KCNU1: variants seen among roughly 807,000 people sequenced by gnomAD.
The protein encoded by KCNU1 is potassium calcium-activated channel subfamily U member 1, also known as potassium channel subfamily U member 1.
Under a neutral mutation model 126.8 loss-of-function variants are expected in KCNU1, and 93 were observed. The ratio of observed to expected loss-of-function variants is 0.73; its 90% CI spans 0.62 to 0.87. The LOEUF (loss-of-function observed/expected upper bound fraction) is 0.87. KCNU1 is among the 40% of genes least tolerant of loss of function. The pLI, the probability that KCNU1 is intolerant of heterozygous loss-of-function variation, is 0.00. For missense variants in KCNU1, 1,330 were observed against 1,367.1 expected, an observed-to-expected ratio of 0.97 and a Z score of 0.43; for synonymous variants, 523 against 494.2, an observed-to-expected ratio of 1.06 and a Z score of -0.77.
At chr8:36,931,189 T>A (rs370872230) in intron 25 of KCNU1, 44 bp downstream of exon 25, 5 of 1,399,286 alleles carry the variant, frequency 3.6e-6, no homozygotes, top group Non-Finnish European at 4.9e-6. Context: ...CTTCTTTACC[T>A]CTCTGAGCTT....
chr8:36,926,724 C>A (rs1025500925), intron 24 of KCNU1, among the ~76,000 whole-genome samples: 2 of 152,114 alleles, frequency 1.3e-5, no homozygotes, highest in African/African-American at 4.8e-5. Context: ...AGACTGTCTT[C>A]TGGGTTTGAC....
At chr8:36,856,604 G>T (rs370367496) in intron 18 of KCNU1, among the ~76,000 whole-genome samples, 8 of 152,176 alleles carry the variant, frequency 5.3e-5, no homozygotes, top group African/African-American at 1.7e-4. Flanking sequence ...CATTTTAATG[G>T]TCTCTTTCCC....
chr8:36,828,453 A>G (rs1161176310), intron 10 of KCNU1, among the ~76,000 whole-genome samples: 2 of 152,110 alleles, frequency 1.3e-5, no homozygotes, highest in Non-Finnish European at 2.9e-5. Context: ...TATTACCTCT[A>G]TATTCACATC....
chr8:36,812,593 G>C (rs1484348423), intron 7 of KCNU1, among the ~76,000 whole-genome samples: 1 of 152,114 alleles, frequency 6.6e-6, no homozygotes, highest in African/African-American at 2.4e-5. Context: ...TTGAAACAAA[G>C]TTTAAAATAA....
chr8:36,888,583 G>A (rs1263944360), intron 19 of KCNU1: 1 of 534,052 alleles, frequency 1.9e-6, no homozygotes, highest in South Asian at 1.4e-5. Flanking sequence ...AGCAGAAGAT[G>A]CTCAGTAAGA....
rs28608091 is a variant in KCNU1, at chr8:36,909,506, T to C, written c.2302T>C (p.Trp768Arg). The C allele has an allele frequency of 0.4, 646,137 of 1,608,114 alleles. 131,990 individuals carry two copies. Among genetic ancestry groups the C allele is most frequent in the Admixed American group, 0.48 (28,929 of 59,978 alleles). ...DYLQREWRFL[W>R]NFPQIYILPG... is the part of the protein sequence containing the mutation. ...TCTACAGAGAGAATGGCGATTTCTC[T>C]GGAATTTTCCCCAGATATACATTCT... Residue 768 changes from tryptophan (W) to arginine (R), a missense_variant, in exon 21 of 27, where the codon TGG becomes CGG. By Grantham distance (101) the Trp-to-Arg change is moderately radical. Transcript: ENST00000399881.
chr8:36,879,211 G>GTGTGTA (rs541223094), intron 19 of KCNU1, among the ~76,000 whole-genome samples: 16 of 101,754 alleles, frequency 1.6e-4, no homozygotes, highest in African/African-American at 4.2e-4. Flanking sequence ...GTGTGTGTGT[G>GTGTGTA]TATATATATA....
chr8:36,811,331 G>C (rs912538063), intron 7 of KCNU1, among the ~76,000 whole-genome samples: 1 of 151,964 alleles, frequency 6.6e-6, no homozygotes, highest in African/African-American at 2.4e-5. Flanking sequence ...TCATATATTG[G>C]AGCAGTTACG....
In KCNU1 at chr8:36,836,514, A is replaced by T. The variant is rs1046305796; in HGVS notation, c.1365+149A>T. Reference sequence around the variant, plus strand: ...TTATTAAGATGGATAATCACTTAACAATGTAAATTGGGGGCAGAATTAGAA... The same window carrying T: ...TTATTAAGATGGATAATCACTTAACTATGTAAATTGGGGGCAGAATTAGAA... On this transcript the variant is annotated intron_variant, in intron 13 of 26. Coordinates refer to ENST00000399881, the MANE Select transcript of KCNU1 (RefSeq NM_001031836.3). The T allele has an allele frequency of 1.9e-5, 12 of 627,002 alleles. No individual in the cohort carries two copies. The African/African-American group carries it at 2.0e-4, about 11-fold the overall frequency. The allele number at this position is 627,002 out of a possible 1,614,324, so 38.8% of individuals were successfully genotyped here.
intron 2 of KCNU1, among the ~76,000 whole-genome samples, chr8:36,801,868 A>G (rs6468381): frequency 0.27 from 41,550 of 151,754 alleles, 7,095 homozygotes; most frequent in African/African-American, 0.46. Flanking sequence ...CCAGCACTTG[A>G]GAGGTCAAGG....
Position 36,911,039 on chromosome 8 carries a change from A to G in KCNU1, c.2441A>G (p.Asp814Gly), listed in dbSNP as rs754032261. ...CCATCAAGCAACCAGACTTTGGTAG[A>G]CACAGAAGCCATCATGGCAACCCTC... is the stretch of plus-strand genomic sequence containing the variant. ...PQPSSNQTLV[D>G]TEAIMATLTI... Residue 814 changes from aspartate to glycine, a missense_variant, in exon 22 of 27, where the codon GAC becomes GGC. Asp to Gly is a moderately conservative substitution (Grantham distance 94). Coordinates refer to ENST00000399881, the MANE Select transcript of KCNU1 (RefSeq NM_001031836.3). The G allele has an allele frequency of 6.2e-7, 1 of 1,613,832 alleles. No homozygotes were observed. The highest frequency in any genetic ancestry group is 1.1e-5 in the South Asian group (1 of 91,054).
chr8:36,902,495 G>A (rs935176742), intron 19 of KCNU1, among the ~76,000 whole-genome samples: 8 of 152,076 alleles, frequency 5.3e-5, no homozygotes, highest in African/African-American at 7.2e-5. Context: ...AGCAGCTGTA[G>A]ACTTGAGTGC....
chr8:36,888,445 G>T, intron 19 of KCNU1: 1 of 430,448 alleles, frequency 2.3e-6, no homozygotes, highest in South Asian at 1.9e-5. Flanking sequence ...CTTCTGCTAA[G>T]CTAGTGCCAC....
chr8:36,834,743 C>A, intron 11 of KCNU1, 43 bp from the exon 12 acceptor site: 1 of 1,279,466 alleles, frequency 7.8e-7, no homozygotes, highest in South Asian at 1.3e-5. Context: ...GAGCATTTCC[C>A]ATGTAATTAA....
intron 19 of KCNU1, among the ~76,000 whole-genome samples, chr8:36,877,578 C>T (rs1051585789): frequency 4.6e-5 from 7 of 152,144 alleles, no homozygotes; most frequent in Non-Finnish European, 1.0e-4. Context: ...GCTGGGATTA[C>T]AGGCATGAGC....
Position 36,814,945 on chromosome 8 carries a change from G to A in KCNU1, c.903+568G>A, listed in dbSNP as rs74982514. Among the ~76,000 whole-genome samples, 71 of 151,842 alleles carry A rather than the reference G, an allele frequency of 4.7e-4. 3 individuals are homozygous for A. The East Asian group carries it at 8.7e-3, about 19-fold the overall frequency. On this transcript the variant is annotated intron_variant, in intron 8 of 26. Transcript: ENST00000399881. ...CACGGTCTCACATCCCTTTTTTTCA[G>A]TCATTGTCTCTTAACCCTCCTCTGT...
At chr8:36,935,436 C>A in intron 26 of KCNU1, 79 bp from the exon 27 acceptor site, 1 of 1,140,090 alleles carries the variant, frequency 8.8e-7, no homozygotes, top group Non-Finnish European at 1.3e-6. Flanking sequence ...AGCAAAATGA[C>A]CTCTTTATTT....
chr8:36,833,406 T>C (rs1468642425), intron 10 of KCNU1, 148 bp from the exon 11 acceptor site: 4 of 444,238 alleles, frequency 9.0e-6, no homozygotes, highest in Non-Finnish European at 1.7e-5. Flanking sequence ...TAATTACATT[T>C]TTTAAAAAAA....
At chr8:36,895,754 A>T (rs1407858135) in intron 19 of KCNU1, among the ~76,000 whole-genome samples, 2 of 152,182 alleles carry the variant, frequency 1.3e-5, no homozygotes, top group African/African-American at 4.8e-5. Context: ...GTGCTAAAAA[A>T]ATTCTATATT....
Sources: gnomAD v4.1 joint callset for allele counts (sites outside exome capture counted in the v4.1 genomes callset) on GRCh38, gnomAD v4.1.1 for gene constraint, MANE v1.5 for transcripts, NCBI Gene and HGNC (gene_info 2026-07-23, HGNC 2026-07-21) for gene names.